PPP1R12B: variants seen among roughly 807,000 people sequenced by gnomAD.
PPP1R12B encodes the protein myosin phosphatase target subunit 2.
A neutral mutation model predicts 126.1 loss-of-function variants in PPP1R12B; 76 were observed. The ratio of observed to expected loss-of-function variants is 0.60; its 90% CI spans 0.50 to 0.73. The LOEUF is 0.73. PPP1R12B is among the 30% of genes least tolerant of loss of function. The pLI is 0.00. For missense variants in PPP1R12B, 1,052 were observed against 1,205.1 expected (o/e 0.87, Z 1.88); for synonymous variants, 356 against 434.7 (o/e 0.82, Z 2.25).
chr1:202,564,502 G>A lies in PPP1R12B; in HGVS notation c.2712G>A (p.Gln904=). The A allele has an allele frequency of 6.2e-7, 1 of 1,612,816 alleles. No individual in the cohort carries two copies. The highest frequency in any genetic ancestry group is 1.1e-5 in the South Asian group (1 of 91,070). The change falls in exon 21 of 24, where the codon CAG becomes CAA. Residue 904 remains glutamine (Q), a synonymous_variant. Transcript: ENST00000608999. ...QKLKTKLQEA[Q]LELADIKSKL... The stretch of plus-strand genomic sequence containing the variant: ...TGAAAACAAAACTTCAGGAAGCCCA[G>A]CTAGAGCTAGCAGATATAAAGTCCA...
chr1:202,562,031 A>G (rs966896358), intron 19 of PPP1R12B, among the ~76,000 whole-genome samples: 1 of 152,236 alleles, frequency 6.6e-6, no homozygotes, highest in Non-Finnish European at 1.5e-5. Context: ...TCTGAGAAAA[A>G]TATAAACCAG....
chr1:202,571,773 T>A (rs1326358824), intron 23 of PPP1R12B, among the ~76,000 whole-genome samples: 1 of 152,140 alleles, frequency 6.6e-6, no homozygotes. Flanking sequence ...ATTTTTTTTT[T>A]AGTTAAAACA....
intron 18 of PPP1R12B, chr1:202,502,210 A>G: frequency 4.1e-6 from 4 of 985,030 alleles, no homozygotes; most frequent in Non-Finnish European, 4.8e-6. Context: ...ACTGATTGGT[A>G]AAGGAGATAG....
intron 18 of PPP1R12B, among the ~76,000 whole-genome samples, chr1:202,500,210 T>TCTCTCTTG (rs1427650417): frequency 1.5e-5 from 2 of 134,932 alleles, no homozygotes; most frequent in Admixed American, 8.3e-5. Context: ...TCGCTGTCTC[T>TCTCTCTTG]CTCTCTTGCT....
chr1:202,432,542 C>T (rs1453340542), intron 8 of PPP1R12B, among the ~76,000 whole-genome samples: 4 of 152,168 alleles, frequency 2.6e-5, no homozygotes, highest in African/African-American at 9.7e-5. Context: ...GCTAGGATTA[C>T]AGGCATGAGC....
chr1:202,537,730 T>C (rs1030385415), intron 18 of PPP1R12B, among the ~76,000 whole-genome samples: 2 of 152,212 alleles, frequency 1.3e-5, no homozygotes, highest in Non-Finnish European at 2.9e-5. Flanking sequence ...CTGATCAAGT[T>C]GTTCTTGCCA....
rs867436717 is a variant in PPP1R12B at position 202,371,886 on chromosome 1, C to T, written c.291+22744C>T. On this transcript the variant is annotated intron_variant, in intron 1 of 23. Transcript: ENST00000608999. ...TTTTTTTTTTTTTTTTTTTTGGAGA[C>T]GGAGTATCGCTCTGTTGCCCTCTGC... Among the ~76,000 whole-genome samples the T allele has an allele frequency of 3.5e-4, 39 of 111,560 alleles. No individual in the cohort carries two copies. In the Middle Eastern group the frequency reaches 0.024, roughly 68 times the overall value. The allele number at this position is 111,560 out of a possible 152,430, so 73.2% of individuals were successfully genotyped here.
chr1:202,397,284 C>G (rs1445849815), intron 1 of PPP1R12B, among the ~76,000 whole-genome samples: 1 of 152,238 alleles, frequency 6.6e-6, no homozygotes, highest in Admixed American at 6.5e-5. Flanking sequence ...TGACTGTTAG[C>G]AGCATCAACC....
In PPP1R12B at chr1:202,430,926, T is replaced by G; in HGVS notation, c.1001+116T>G. The G allele has an allele frequency of 2.1e-6, 3 of 1,400,934 alleles. No homozygotes were observed. In the South Asian group the frequency reaches 5.2e-5, roughly 24 times the overall value. The allele number at this position is 1,400,934 out of a possible 1,614,324, so 86.8% of individuals were successfully genotyped here. On this transcript the variant is annotated intron_variant, in intron 7 of 23. Transcript: ENST00000608999. Reference sequence around the variant, plus strand: ...TGTTTGTATTTAGCCGAGTGATCTATAAACTTGTGGGAAACTTGTGGGAAA... The same window carrying G: ...TGTTTGTATTTAGCCGAGTGATCTAGAAACTTGTGGGAAACTTGTGGGAAA...
In PPP1R12B at chr1:202,586,787, A is replaced by G. The variant is rs1689839812; in HGVS notation, c.*6227A>G. The G allele has an allele frequency of 6.6e-6, 1 of 152,202 alleles. No homozygotes were observed. The highest frequency in any genetic ancestry group is 1.5e-5 in the Non-Finnish European group (1 of 68,026). The allele number at this position is 152,202 out of a possible 1,614,324, so 9.4% of individuals were successfully genotyped here. On this transcript the variant is annotated 3_prime_UTR_variant, in exon 24 of 24. Transcript: ENST00000608999. ...GTCCCGGAAGCCCTCCTTCGGGAGA[A>G]CTGTAAGTAAGAGGTGGGTGTGTCT...
chr1:202,536,310 G>A (rs373925598), intron 18 of PPP1R12B, among the ~76,000 whole-genome samples: 20 of 152,242 alleles, frequency 1.3e-4, no homozygotes, highest in African/African-American at 4.8e-4. Flanking sequence ...ATTGCTCCTA[G>A]GATACAAACC....
intron 18 of PPP1R12B, among the ~76,000 whole-genome samples, chr1:202,511,419 G>A (rs1323403734): frequency 9.2e-5 from 14 of 151,640 alleles, no homozygotes; most frequent in Non-Finnish European, 1.8e-4. Flanking sequence ...GGGTTTCACC[G>A]TCTTAGCCAT....
chr1:202,544,630 G>A (rs1277459918), intron 18 of PPP1R12B, among the ~76,000 whole-genome samples: 2 of 152,068 alleles, frequency 1.3e-5, no homozygotes, highest in Admixed American at 1.3e-4. Context: ...AATAGGATTT[G>A]ACCTGTATTT....
chr1:202,388,029 T>C (rs1175477692), intron 1 of PPP1R12B, among the ~76,000 whole-genome samples: 1 of 149,314 alleles, frequency 6.7e-6, no homozygotes, highest in Non-Finnish European at 1.5e-5. Context: ...TTTGAATCAA[T>C]ACAAAATAGT....
rs145434571 is a variant in PPP1R12B at position 202,563,808 on chromosome 1, C to T, written c.2653-635C>T. On this transcript the variant is annotated intron_variant, in intron 20 of 23. Coordinates refer to ENST00000608999, the MANE Select transcript of PPP1R12B (RefSeq NM_002481.4). Reference sequence around the variant, plus strand: ...TTAGGATGGGCATGGTGGTTCATGCCTGTAATCCCAGCACGTTGGGAGGGT... The same window carrying T: ...TTAGGATGGGCATGGTGGTTCATGCTTGTAATCCCAGCACGTTGGGAGGGT... Among the ~76,000 whole-genome samples, 454 of 152,196 alleles carry T rather than the reference C, an allele frequency of 3.0e-3. 3 individuals carry two copies. Among genetic ancestry groups the T allele is most frequent in the African/African-American group, 0.011 (437 of 41,508 alleles).
chr1:202,364,414 A>G (rs1040113877), intron 1 of PPP1R12B, among the ~76,000 whole-genome samples: 4 of 152,020 alleles, frequency 2.6e-5, no homozygotes, highest in African/African-American at 7.2e-5. Flanking sequence ...ATTCATCTCT[A>G]TATGTATCTA....
At chr1:202,388,247 A>G (rs1410698345) in intron 1 of PPP1R12B, among the ~76,000 whole-genome samples, 4 of 152,112 alleles carry the variant, frequency 2.6e-5, no homozygotes, top group African/African-American at 9.7e-5. Flanking sequence ...GCAGTGGCAC[A>G]ATCTTGGCTC....
chr1:202,404,733 C>T (rs1029278646), intron 1 of PPP1R12B, among the ~76,000 whole-genome samples: 2 of 152,098 alleles, frequency 1.3e-5, no homozygotes, highest in Admixed American at 1.3e-4. Flanking sequence ...GATCTCCTGA[C>T]CTCATGATCC....
At chr1:202,451,823 C>T (rs1468010407) in intron 13 of PPP1R12B, among the ~76,000 whole-genome samples, 19 of 151,442 alleles carry the variant, frequency 1.3e-4, no homozygotes, top group South Asian at 1.0e-3. Context: ...CCCTCCCGGA[C>T]GGGGCAGCTG....
Sources: gnomAD v4.1 joint callset for allele counts (sites outside exome capture counted in the v4.1 genomes callset) on GRCh38, gnomAD v4.1.1 for gene constraint, MANE v1.5 for transcripts, NCBI Gene and HGNC (gene_info 2026-07-23, HGNC 2026-07-21) for gene names.